The following GATAD2A variants were observed in gnomAD, a reference collection of about 807,000 sequenced individuals.
GATAD2A encodes transcriptional repressor p66-alpha.
In GATAD2A, 12 loss-of-function variants were observed where a neutral mutation model predicts 68.5. The observed-to-expected ratio is 0.18, with a 90% CI of 0.11 to 0.28. The LOEUF (loss-of-function observed/expected upper bound fraction) is 0.28. Ranked by LOEUF, GATAD2A falls within the 10% of genes least tolerant of loss-of-function variation. The probability of loss-of-function intolerance (pLI) is 1.00; values close to 1 mark genes in which losing one functional copy is unlikely to be tolerated. For missense variants in GATAD2A, 755 were observed against 868.5 expected (o/e 0.87, Z 1.64); for synonymous variants, 410 against 375.3 (o/e 1.09, Z -1.07).
chr19:19,465,013 C>T (rs2057754706), intron 1 of GATAD2A: 2 of 411,568 alleles, frequency 4.9e-6, no homozygotes, highest in Non-Finnish European at 9.0e-6. Flanking sequence ...TGCTGTTGAG[C>T]CTTTCCTTGC....
intron 2 of GATAD2A, among the ~76,000 whole-genome samples, chr19:19,484,164 C>T (rs892138348): frequency 2.6e-5 from 4 of 152,238 alleles, no homozygotes; most frequent in Non-Finnish European, 4.4e-5. Context: ...GGCAACACAG[C>T]GAGACCCCAC....
At chr19:19,474,010 A>G in intron 2 of GATAD2A, 4 of 982,884 alleles carry the variant, frequency 4.1e-6, no homozygotes, top group African/African-American at 3.5e-5. Flanking sequence ...ATCAGAAAGT[A>G]ATGTGATATT....
chr19:19,493,165 T>C (rs1318969963), intron 4 of GATAD2A, among the ~76,000 whole-genome samples: 2 of 152,302 alleles, frequency 1.3e-5, no homozygotes, highest in African/African-American at 4.8e-5. Flanking sequence ...GGTCTGGATC[T>C]CTTGACCTCG....
chr19:19,409,942 A>G (rs2147096203), intron 1 of GATAD2A, among the ~76,000 whole-genome samples: 1 of 152,308 alleles, frequency 6.6e-6, no homozygotes, highest in South Asian at 2.1e-4. Context: ...TAGAAGACAA[A>G]GGAATTTACC....
At chr19:19,399,580 A>C (rs1406629550) in intron 1 of GATAD2A, among the ~76,000 whole-genome samples, 1 of 152,130 alleles carries the variant, frequency 6.6e-6, no homozygotes, top group African/African-American at 2.4e-5. Flanking sequence ...TTTTGACCTA[A>C]ATTTGAAATA....
chr19:19,407,316 A>G (rs1568703080), intron 1 of GATAD2A, among the ~76,000 whole-genome samples: 2 of 152,380 alleles, frequency 1.3e-5, no homozygotes, highest in East Asian at 3.9e-4. Context: ...ACCTGACCAC[A>G]AGCTGTGGAG....
At chr19:19,422,875 C>A (rs1178016951) in intron 1 of GATAD2A, among the ~76,000 whole-genome samples, 4 of 151,996 alleles carry the variant, frequency 2.6e-5, no homozygotes, top group Non-Finnish European at 5.9e-5. Flanking sequence ...CCACGCCCGG[C>A]TAATTTTTTG....
upstream of GATAD2A, among the ~76,000 whole-genome samples, chr19:19,404,877 C>T (rs1361283318): frequency 6.6e-6 from 1 of 152,102 alleles, no homozygotes; most frequent in Non-Finnish European, 1.5e-5. Flanking sequence ...TTGGGGATTC[C>T]TCAGAACCTG....
At chr19:19,445,318 A>G (rs778924981) in intron 1 of GATAD2A, among the ~76,000 whole-genome samples, 1 of 152,138 alleles carries the variant, frequency 6.6e-6, no homozygotes, top group African/African-American at 2.4e-5. Context: ...TTTGCCTGTT[A>G]GTATTTTAGT....
intron 1 of GATAD2A, chr19:19,429,374 C>T (rs36113815): frequency 0.047 from 11,941 of 252,568 alleles, 367 homozygotes; most frequent in East Asian, 0.12. Context: ...AGTAGGCAGG[C>T]GTGCTGGGTC....
chr19:19,460,347 G>T (rs552473130), intron 1 of GATAD2A, among the ~76,000 whole-genome samples: 1 of 152,232 alleles, frequency 6.6e-6, no homozygotes, highest in Non-Finnish European at 1.5e-5. Context: ...GCACCTGGGC[G>T]CAGGCTTGCT....
chr19:19,504,939 C>T (rs1211821493), intron 11 of GATAD2A, among the ~76,000 whole-genome samples: 1 of 152,164 alleles, frequency 6.6e-6, no homozygotes, highest in African/African-American at 2.4e-5. Context: ...CCTCCGTGCC[C>T]AGCTAAGATA....
At chr19:19,463,174 G>C (rs1220439011) in intron 1 of GATAD2A, among the ~76,000 whole-genome samples, 1 of 152,076 alleles carries the variant, frequency 6.6e-6, no homozygotes, top group Non-Finnish European at 1.5e-5. Flanking sequence ...GCCTGGGAGT[G>C]CACATACCTG....
At chr19:19,427,149 G>A (rs990053192) in intron 1 of GATAD2A, among the ~76,000 whole-genome samples, 1 of 152,008 alleles carries the variant, frequency 6.6e-6, no homozygotes, top group African/African-American at 2.4e-5. Context: ...AGAGATGAGA[G>A]TGAGTATTTA....
intron 2 of GATAD2A, among the ~76,000 whole-genome samples, chr19:19,487,060 G>A (rs1045604244): frequency 6.6e-5 from 10 of 152,224 alleles, no homozygotes; most frequent in South Asian, 4.1e-4. Context: ...GGAGCATGCG[G>A]GCTCAGGGCT....
chr19:19,485,155 AAC>A (rs1223959085), intron 2 of GATAD2A, among the ~76,000 whole-genome samples: 4 of 152,058 alleles, frequency 2.6e-5, no homozygotes, highest in African/African-American at 9.7e-5. Flanking sequence ...TACTTGGGTA[AAC>A]CCTTTCTTTC....
chr19:19,501,446 TC>T, intron 9 of GATAD2A, 30 bp downstream of exon 9: 1 of 1,534,778 alleles, frequency 6.5e-7, no homozygotes, highest in Non-Finnish European at 8.8e-7. Flanking sequence ...GGCAGTGCCG[TC>T]CCTAGGAGGC....
Position 19,446,386 on chromosome 19 carries a change from CT to C in GATAD2A, c.-6-18949del, listed in dbSNP as rs113539133. ...GCTGTTTTTTAATTGGGTTGCTTGT[CT>C]TTTTGTTGCTGAGTTGTAAGGATCC... On this transcript the variant is annotated intron_variant, in intron 1 of 11. Coordinates refer to ENST00000683918, the MANE Select transcript of GATAD2A (RefSeq NM_001384528.1). 7.2e-5 allele frequency among the ~76,000 whole-genome samples: 11 copies of C among 151,758 alleles called. 1 individual carries two copies. Among genetic ancestry groups the C allele is most frequent in the African/African-American group, 2.7e-4 (11 of 41,396 alleles).
At chr19:19,387,125 G>T (rs1390400609) in intron 1 of GATAD2A, among the ~76,000 whole-genome samples, 1 of 151,966 alleles carries the variant, frequency 6.6e-6, no homozygotes, top group African/African-American at 2.4e-5. Context: ...TCTAAGGAGA[G>T]ACCCCTGATT....
Sources: gnomAD v4.1 joint callset for allele counts (sites outside exome capture counted in the v4.1 genomes callset) on GRCh38, gnomAD v4.1.1 for gene constraint, MANE v1.5 for transcripts, NCBI Gene and HGNC (gene_info 2026-07-23, HGNC 2026-07-21) for gene names.